Variants in TTC12 observed in about 807,000 individuals in gnomAD.
TTC12 encodes the protein tetratricopeptide repeat protein 12.
Under a neutral mutation model 90.1 loss-of-function variants are expected in TTC12, and 70 were observed. The ratio of observed to expected loss-of-function variants is 0.78; its 90% confidence interval spans 0.64 to 0.95. TTC12 has a LOEUF of 0.95. Ranked by LOEUF, TTC12 falls within the 40% of genes least tolerant of loss-of-function variation. TTC12 has a pLI of 0.00. For missense variants in TTC12, 819 were observed against 846.1 expected (o/e 0.97, Z 0.40); for synonymous variants, 296 against 311.5 (o/e 0.95, Z 0.53).
intron 10 of TTC12, 33 bp downstream of exon 10, chr11:113,339,507 C>T: frequency 6.4e-7 from 1 of 1,571,928 alleles, no homozygotes. Flanking sequence ...CTCATGAGTG[C>T]TGTCAGTGTG....
chr11:113,355,199 G>T (rs546844522), intron 16 of TTC12, among the ~76,000 whole-genome samples: 2 of 152,196 alleles, frequency 1.3e-5, no homozygotes, highest in African/African-American at 4.8e-5. Flanking sequence ...TGGTGTATGT[G>T]TCCAGAAATT....
intron 1 of TTC12, chr11:113,314,922 C>T (rs1246829831): frequency 7.7e-6 from 1 of 130,250 alleles, no homozygotes; most frequent in African/African-American, 3.1e-5. Flanking sequence ...GAGTGAAGCA[C>T]TGAGCGCGGC....
chr11:113,371,726 T>A (rs2155464), intron 21 of TTC12, among the ~76,000 whole-genome samples: 5 of 151,996 alleles, frequency 3.3e-5, no homozygotes, highest in African/African-American at 1.2e-4. Context: ...AGGCTCAAAG[T>A]CCTCCTCCAC....
chr11:113,347,377 A>C (rs1949028522), intron 13 of TTC12, among the ~76,000 whole-genome samples: 1 of 152,106 alleles, frequency 6.6e-6, no homozygotes, highest in Non-Finnish European at 1.5e-5. Flanking sequence ...GGTGCCCTCC[A>C]GGGGAGATGC....
intron 2 of TTC12, among the ~76,000 whole-genome samples, chr11:113,321,179 T>C (rs1455661742): frequency 2.6e-5 from 4 of 152,024 alleles, no homozygotes; most frequent in Admixed American, 6.5e-5. Flanking sequence ...GAAATGCAAA[T>C]TAAAACAATG....
At chr11:113,351,014 T>C (rs1949258475) in intron 14 of TTC12, among the ~76,000 whole-genome samples, 1 of 152,246 alleles carries the variant, frequency 6.6e-6, no homozygotes, top group African/African-American at 2.4e-5. Flanking sequence ...AGCCACCATC[T>C]GAGATCTGTT....
chr11:113,367,366 A>G (rs772498481), downstream of TTC12, among the ~76,000 whole-genome samples: 5 of 152,162 alleles, frequency 3.3e-5, no homozygotes, highest in Admixed American at 6.5e-5. Context: ...TACCTGCCCA[A>G]CCTACCTCCT....
chr11:113,351,022 GTTGT>G (rs1223363711), intron 14 of TTC12, among the ~76,000 whole-genome samples: 1 of 152,206 alleles, frequency 6.6e-6, no homozygotes, highest in Non-Finnish European at 1.5e-5. Flanking sequence ...TCTGAGATCT[GTTGT>G]TTAACATCAA....
At chr11:113,363,101 T>C (rs1950022268) in intron 19 of TTC12, among the ~76,000 whole-genome samples, 1 of 152,192 alleles carries the variant, frequency 6.6e-6, no homozygotes, top group African/African-American at 2.4e-5. Flanking sequence ...CATACACCCA[T>C]GTTAGTGTGG....
intron 16 of TTC12, among the ~76,000 whole-genome samples, chr11:113,358,869 A>G (rs559842964): frequency 6.6e-6 from 1 of 152,196 alleles, no homozygotes; most frequent in South Asian, 2.1e-4. Context: ...GGGGACCAAG[A>G]ACAAGCCTTG....
chr11:113,339,169 A>G (rs554782215), intron 9 of TTC12, 117 bp from the exon 10 acceptor site: 14 of 816,936 alleles, frequency 1.7e-5, no homozygotes, highest in Non-Finnish European at 2.4e-5. Flanking sequence ...TAATTATTTT[A>G]ATGCTTTATG....
rs533751785 is a variant in TTC12, at chr11:113,362,470, G to C, written c.1684G>C (p.Gly562Arg). ...AATTGTTGAGGAGGCCTTGCGAGCA[G>C]GAGTGGTAAAGAAAATGATGAAATT... ...LKIVEEALRA[G>R]VVKKMMKFLK... is the part of the protein sequence containing the mutation. The change falls in exon 19 of 22, where the codon GGA becomes CGA. Residue 562 changes from glycine (G) to arginine (R), a missense_variant. Physicochemically the swap from Gly to Arg is moderately radical, Grantham distance 125. Transcript: ENST00000529221. The C allele has an allele frequency of 3.1e-6, 5 of 1,613,912 alleles. No individual in the cohort carries two copies. The East Asian group carries it at 8.9e-5, about 29-fold the overall frequency.
rs1440715020 is a variant in TTC12, at chr11:113,345,101, T to C, written c.1154+661T>C. Among the ~76,000 whole-genome samples the C allele has an allele frequency of 4.6e-5, 7 of 152,238 alleles. 1 individual carries two copies. The highest frequency in any genetic ancestry group is 1.0e-4 in the Non-Finnish European group (7 of 68,040). On this transcript the variant is annotated intron_variant, in intron 13 of 21. Transcript: ENST00000529221. ...TTTATCTTACTAAGTTTTCAGTTTA[T>C]TTATCTTTACATGATTAGTTTGAAC...
intron 1 of TTC12, 164 bp downstream of exon 1, chr11:113,314,782 C>G (rs572910123): frequency 8.1e-4 from 123 of 152,218 alleles, no homozygotes; most frequent in African/African-American, 2.8e-3. Flanking sequence ...CCGGGACTTG[C>G]GGACGCCTGG....
chr11:113,353,644 G>A (rs1250433599), intron 16 of TTC12, among the ~76,000 whole-genome samples: 2 of 152,146 alleles, frequency 1.3e-5, no homozygotes, highest in Non-Finnish European at 2.9e-5. Context: ...TTTGTATATT[G>A]TGAAAGGAAG....
Position 113,342,042 on chromosome 11 carries a change from G to A in TTC12, c.985+117G>A, listed in dbSNP as rs117682492. The A allele has an allele frequency of 7.1e-4, 589 of 824,502 alleles. 4 individuals carry two copies. In the East Asian group the frequency reaches 0.011, roughly 16 times the overall value. 51.1% of individuals were successfully genotyped at this position (824,502 alleles called of 1,614,324 possible). On this transcript the variant is annotated intron_variant, in intron 12 of 21. Coordinates refer to ENST00000529221, the MANE Select transcript of TTC12 (RefSeq NM_017868.4). ...CTGGAAAGCTGATGTCTAGACTTCCGCACACACCCACTCCCTCCAGGAAAG... is the reference window on the plus strand; with the variant it reads ...CTGGAAAGCTGATGTCTAGACTTCCACACACACCCACTCCCTCCAGGAAAG...
At chr11:113,362,802 G>A (rs1442123572) in intron 19 of TTC12, among the ~76,000 whole-genome samples, 1 of 152,206 alleles carries the variant, frequency 6.6e-6, no homozygotes, top group African/African-American at 2.4e-5. Context: ...AATGATCTGA[G>A]TGGCTTTCTG....
At chr11:113,317,873 T>C (rs781839334) in intron 2 of TTC12, among the ~76,000 whole-genome samples, 2 of 152,150 alleles carry the variant, frequency 1.3e-5, no homozygotes, top group Non-Finnish European at 2.9e-5. Context: ...TGCTGTCCAA[T>C]AGAGCTTTCT....
At chr11:113,334,401 G>T (rs1948230566) in intron 7 of TTC12, among the ~76,000 whole-genome samples, 1 of 152,028 alleles carries the variant, frequency 6.6e-6, no homozygotes, top group Non-Finnish European at 1.5e-5. Flanking sequence ...AATATGAACA[G>T]AAGGTCCCAG....
Sources: gnomAD v4.1 joint callset for allele counts (sites outside exome capture counted in the v4.1 genomes callset) on GRCh38, gnomAD v4.1.1 for gene constraint, MANE v1.5 for transcripts, NCBI Gene and HGNC (gene_info 2026-07-23, HGNC 2026-07-21) for gene names.